The following MCF2L2 variants were observed in gnomAD, a reference collection of about 807,000 sequenced individuals.
The protein encoded by MCF2L2 is MCF.2 cell line derived transforming sequence-like 2.
MCF2L2 carries 102 observed loss-of-function variants against 150.2 expected under a neutral mutation model. The ratio of observed to expected loss-of-function variants is 0.68; its 90% CI spans 0.58 to 0.80. The LOEUF is 0.80. MCF2L2 is among the 30% of genes least tolerant of loss of function. The pLI is 0.00. For synonymous variants in MCF2L2, 465 were observed against 491.3 expected (o/e 0.95, Z 0.71); for missense variants, 1,256 against 1,372.8 (o/e 0.91, Z 1.34).
intron 1 of MCF2L2, among the ~76,000 whole-genome samples, chr3:183,417,115 C>CAAAAA (rs74989072): frequency 4.7e-4 from 21 of 44,248 alleles, no homozygotes; most frequent in African/African-American, 1.0e-3. Flanking sequence ...GACTCTGTCT[C>CAAAAA]AAAAAAAAAA....
At chr3:183,351,117 G>A (rs1339103554) in intron 3 of MCF2L2, among the ~76,000 whole-genome samples, 1 of 147,676 alleles carries the variant, frequency 6.8e-6, no homozygotes, top group Non-Finnish European at 1.5e-5. Context: ...AAGTATAAGA[G>A]ATTGAGGTAA....
At chr3:183,229,635 A>C (rs1330225300) in intron 17 of MCF2L2, 31 bp downstream of exon 17, 1 of 1,015,078 alleles carries the variant, frequency 9.9e-7, no homozygotes, top group Non-Finnish European at 1.5e-6. Context: ...CTTACTCTCC[A>C]TTCTTTCTGA....
At chr3:183,180,739 C>G (rs1040634070) in intron 27 of MCF2L2, among the ~76,000 whole-genome samples, 4 of 152,234 alleles carry the variant, frequency 2.6e-5, no homozygotes, top group African/African-American at 9.6e-5. Flanking sequence ...CTGCCAAATA[C>G]TGAACAACTG....
At chr3:183,371,065 G>A (rs1384540823) in intron 3 of MCF2L2, among the ~76,000 whole-genome samples, 1 of 152,188 alleles carries the variant, frequency 6.6e-6, no homozygotes, top group Admixed American at 6.5e-5. Flanking sequence ...CAGTTCCACA[G>A]CCAGTCCAGC....
rs1729280059 is a variant in MCF2L2 at position 183,309,824 on chromosome 3, G to C, written c.1005C>G (p.Ala335=). The change falls in exon 10 of 30, where the codon GCC becomes GCG. Residue 335 remains alanine, a synonymous_variant. Coordinates refer to ENST00000328913, the MANE Select transcript of MCF2L2 (RefSeq NM_015078.4). ...FEHDFCKAKL[A]LDNLLEEQAE... Reference sequence around the variant, plus strand: ...CTTGCTCTTCCAGCAAATTATCCAGGGCAAGCTTAGCCTACAAGAAACATT... The same window carrying C: ...CTTGCTCTTCCAGCAAATTATCCAGCGCAAGCTTAGCCTACAAGAAACATT... The C allele has an allele frequency of 6.2e-7, 1 of 1,613,586 alleles. No individual in the cohort carries two copies. The highest frequency in any genetic ancestry group is 2.2e-5 in the East Asian group (1 of 44,844).
intron 3 of MCF2L2, among the ~76,000 whole-genome samples, chr3:183,346,745 T>C (rs1730914426): frequency 6.6e-6 from 1 of 152,084 alleles, no homozygotes; most frequent in South Asian, 2.1e-4. Context: ...GCAAAAATCA[T>C]AAGCATTTCT....
At chr3:183,321,600 C>T (rs915784390) in intron 6 of MCF2L2, among the ~76,000 whole-genome samples, 6 of 152,022 alleles carry the variant, frequency 3.9e-5, no homozygotes, top group African/African-American at 1.2e-4. Context: ...AAAGTTGCCA[C>T]GAAACTTCAA....
At chr3:183,368,917 T>G (rs1281070068) in intron 3 of MCF2L2, among the ~76,000 whole-genome samples, 1 of 152,234 alleles carries the variant, frequency 6.6e-6, no homozygotes, top group African/African-American at 2.4e-5. Context: ...ATAATCTTTA[T>G]GAACCCATGA....
chr3:183,283,771 C>T lies in MCF2L2; in HGVS notation c.1776+5349G>A, dbSNP rs1727639347. The stretch of plus-strand genomic sequence containing the variant: ...TCCTGAACTCAGGTGATCCACCCAC[C>T]TCAGCCTCCCAAAGTGCTGGGATTA... On this transcript the variant is annotated intron_variant, in intron 14 of 29. Coordinates refer to ENST00000328913, the MANE Select transcript of MCF2L2 (RefSeq NM_015078.4). This position sits in a 1 kb window ranked among gnomAD's most constrained non-coding sequence, Gnocchi z 4.2. Among the ~76,000 whole-genome samples, 1 of 152,180 alleles carries T rather than the reference C, an allele frequency of 6.6e-6. No homozygotes were observed. Among genetic ancestry groups the T allele is most frequent in the Non-Finnish European group, 1.5e-5 (1 of 68,040 alleles).
chr3:183,379,991 C>T (rs1713422405), intron 2 of MCF2L2, among the ~76,000 whole-genome samples: 1 of 152,004 alleles, frequency 6.6e-6, no homozygotes, highest in Admixed American at 6.6e-5. Context: ...AAATGAGAAG[C>T]ACCTTAGCAG....
chr3:183,189,317 AT>A (rs1721799953), intron 27 of MCF2L2, among the ~76,000 whole-genome samples: 1 of 152,164 alleles, frequency 6.6e-6, no homozygotes, highest in Non-Finnish European at 1.5e-5. Context: ...AGACTCTCAC[AT>A]TTTGAGTTAA....
chr3:183,352,485 T>A (rs1711535372), intron 3 of MCF2L2, among the ~76,000 whole-genome samples: 1 of 152,176 alleles, frequency 6.6e-6, no homozygotes, highest in African/African-American at 2.4e-5. Context: ...ATTGTGCCAC[T>A]GCACTCCGGC....
intron 11 of MCF2L2, chr3:183,297,407 G>A (rs1728574250): frequency 6.5e-6 from 3 of 463,376 alleles, no homozygotes; most frequent in South Asian, 5.3e-5. Context: ...AGCAAAATGA[G>A]TCTCTTCCAT....
chr3:183,402,661 T>G (rs191394094), intron 1 of MCF2L2, among the ~76,000 whole-genome samples: 1 of 151,638 alleles, frequency 6.6e-6, no homozygotes, highest in Admixed American at 6.6e-5. Context: ...AAAAAACAAA[T>G]GCTTGAAAAA....
intron 2 of MCF2L2, among the ~76,000 whole-genome samples, chr3:183,386,435 C>T (rs1190393702): frequency 6.6e-6 from 1 of 152,218 alleles, no homozygotes; most frequent in Non-Finnish European, 1.5e-5. Flanking sequence ...AACCATCGGG[C>T]CACAAATCTG....
At chr3:183,391,973 G>C (rs1714181335) in intron 1 of MCF2L2, among the ~76,000 whole-genome samples, 1 of 152,058 alleles carries the variant, frequency 6.6e-6, no homozygotes, top group Admixed American at 6.6e-5. Context: ...CTGCAGCCTT[G>C]AACTCCTGTG....
chr3:183,198,814 C>G (rs1014388612), intron 25 of MCF2L2, among the ~76,000 whole-genome samples: 3 of 152,160 alleles, frequency 2.0e-5, no homozygotes, highest in African/African-American at 7.2e-5. Flanking sequence ...GATTTCTAAA[C>G]AAGCTTGTGA....
intron 22 of MCF2L2, among the ~76,000 whole-genome samples, chr3:183,212,636 T>C (rs771979657): frequency 1.1e-4 from 17 of 152,080 alleles, no homozygotes; most frequent in Admixed American, 1.3e-4. Context: ...TGGGTGCCCG[T>C]GTTTCCATTC....
At chr3:183,303,493 G>T (rs2108501585) in intron 10 of MCF2L2, among the ~76,000 whole-genome samples, 1 of 152,284 alleles carries the variant, frequency 6.6e-6, no homozygotes, top group East Asian at 1.9e-4. Context: ...AGGAGTCACG[G>T]TAACTCCAGG....
Sources: gnomAD v4.1 joint callset for allele counts (sites outside exome capture counted in the v4.1 genomes callset) on GRCh38, gnomAD v4.1.1 for gene constraint, Gnocchi (gnomAD v3.1) non-coding constraint, MANE v1.5 for transcripts, NCBI Gene and HGNC (gene_info 2026-07-23, HGNC 2026-07-21) for gene names.